Variants in PABPC4L observed in about 807,000 individuals in gnomAD.
PABPC4L encodes the protein poly(A) binding protein cytoplasmic 4 like.
For missense variants in PABPC4L, 452 were observed against 451.4 expected (o/e 1.00, Z -0.01); for synonymous variants, 169 against 164.1 (o/e 1.03, Z -0.23).
chr4:133,982,232 A>G, the PABPC4L span, among the ~76,000 whole-genome samples: 1 of 152,022 alleles, frequency 6.6e-6, no homozygotes, highest in African/African-American at 2.4e-5. Context: ...GAGATGAAGC[A>G]GCTTATTTTT....
At chr4:134,151,503 T>G in the PABPC4L span, among the ~76,000 whole-genome samples, 1 of 152,076 alleles carries the variant, frequency 6.6e-6, no homozygotes, top group Non-Finnish European at 1.5e-5. Flanking sequence ...CATTAAATAT[T>G]CTTTCTGATC....
chr4:133,966,085 T>C, the PABPC4L span, among the ~76,000 whole-genome samples: 3 of 152,108 alleles, frequency 2.0e-5, no homozygotes, highest in South Asian at 2.1e-4. Flanking sequence ...AAAGGTCTAA[T>C]ATTCAGAATC....
At chr4:134,057,121 G>A in the PABPC4L span, among the ~76,000 whole-genome samples, 1 of 151,982 alleles carries the variant, frequency 6.6e-6, no homozygotes, top group African/African-American at 2.4e-5. Flanking sequence ...GTTATTTTGT[G>A]TGTGTACATT....
the PABPC4L span, among the ~76,000 whole-genome samples, chr4:134,092,276 G>C: frequency 6.6e-6 from 1 of 151,942 alleles, no homozygotes; most frequent in African/African-American, 2.4e-5. Context: ...AACTCCCCTG[G>C]CAGAGGAGCA....
the PABPC4L span, among the ~76,000 whole-genome samples, chr4:134,080,613 G>A: frequency 2.0e-5 from 3 of 152,046 alleles, no homozygotes; most frequent in Non-Finnish European, 4.4e-5. Context: ...AAATAAGAAG[G>A]AGTCACCTAA....
At chr4:134,048,209 A>T in the PABPC4L span, among the ~76,000 whole-genome samples, 1 of 152,154 alleles carries the variant, frequency 6.6e-6, no homozygotes, top group African/African-American at 2.4e-5. Context: ...GTCTTTAATG[A>T]AAAATAAACT....
the PABPC4L span, among the ~76,000 whole-genome samples, chr4:133,959,271 T>G: frequency 6.6e-6 from 1 of 152,032 alleles, no homozygotes; most frequent in South Asian, 2.1e-4. Context: ...GGTGAAAAAA[T>G]ACATCATTAG....
At chr4:134,160,532 T>C in the PABPC4L span, among the ~76,000 whole-genome samples, 6 of 152,148 alleles carry the variant, frequency 3.9e-5, no homozygotes, top group African/African-American at 1.4e-4. Context: ...AATATTGTAA[T>C]AAATGCCTGA....
At chr4:134,168,206 C>T in the PABPC4L span, among the ~76,000 whole-genome samples, 2 of 151,808 alleles carry the variant, frequency 1.3e-5, no homozygotes, top group African/African-American at 2.4e-5. Context: ...AAGAAGAAAA[C>T]TTTTTAAAAT....
the PABPC4L span, among the ~76,000 whole-genome samples, chr4:134,061,906 AT>A: frequency 6.6e-6 from 1 of 151,934 alleles, no homozygotes. Flanking sequence ...AGAAAATATT[AT>A]TAAAGATTTT....
the PABPC4L span, among the ~76,000 whole-genome samples, chr4:134,076,455 T>C: frequency 2.0e-5 from 3 of 152,158 alleles, no homozygotes; most frequent in East Asian, 5.8e-4. Flanking sequence ...GATGGGAACA[T>C]CTTCAGTGCA....
the PABPC4L span, among the ~76,000 whole-genome samples, chr4:134,026,612 G>C: frequency 1.3e-5 from 2 of 152,016 alleles, no homozygotes; most frequent in African/African-American, 4.8e-5. Context: ...GTTATGGGTT[G>C]AATTGTGTCC....
chr4:133,967,931 T>A, the PABPC4L span, among the ~76,000 whole-genome samples: 1 of 152,170 alleles, frequency 6.6e-6, no homozygotes, highest in Admixed American at 6.5e-5. Context: ...ATTGTGGATG[T>A]CCCAATAGAA....
chr4:134,133,397 ATAT>A, the PABPC4L span, among the ~76,000 whole-genome samples: 13 of 143,932 alleles, frequency 9.0e-5, no homozygotes, highest in Admixed American at 2.2e-4. Context: ...ATAATAATAA[ATAT>A]TATATATTAT....
At chr4:133,978,560 TGTG>T in the PABPC4L span, among the ~76,000 whole-genome samples, 1 of 151,950 alleles carries the variant, frequency 6.6e-6, no homozygotes, top group Non-Finnish European at 1.5e-5. Flanking sequence ...AGGCTGTGTG[TGTG>T]TGTGTGTGTG....
the PABPC4L span, among the ~76,000 whole-genome samples, chr4:134,103,934 A>T: frequency 2.6e-5 from 4 of 151,656 alleles, no homozygotes; most frequent in African/African-American, 9.7e-5. Context: ...TTTTTTCCAC[A>T]TAATACTGAT....
the PABPC4L span, among the ~76,000 whole-genome samples, chr4:134,172,348 C>T: frequency 6.6e-3 from 1,001 of 151,918 alleles, 9 homozygotes; most frequent in African/African-American, 0.023. Flanking sequence ...CATAGAGAGC[C>T]CAGAAATAAA....
chr4:134,016,533 T>C, the PABPC4L span, among the ~76,000 whole-genome samples: 1 of 152,102 alleles, frequency 6.6e-6, no homozygotes, highest in African/African-American at 2.4e-5. Flanking sequence ...TATCCCTCAC[T>C]TTCAGTTTTT....
chr4:134,035,657 G>A, the PABPC4L span, among the ~76,000 whole-genome samples: 2 of 151,888 alleles, frequency 1.3e-5, no homozygotes, highest in African/African-American at 4.8e-5. Context: ...ACAACTTAAT[G>A]TGTTTCTATT....
Sources: gnomAD v4.1 joint callset for allele counts (sites outside exome capture counted in the v4.1 genomes callset) on GRCh38, gnomAD v4.1.1 for gene constraint, MANE v1.5 for transcripts, NCBI Gene and HGNC (gene_info 2026-07-23, HGNC 2026-07-21) for gene names.